LHCGR: variants seen among roughly 807,000 people sequenced by gnomAD.
LHCGR encodes the protein luteinizing hormone/choriogonadotropin receptor.
LHCGR carries 55 observed loss-of-function variants against 60.7 expected under a neutral mutation model. The observed-to-expected ratio is 0.91, with a 90% CI of 0.73 to 1.13. LHCGR has a LOEUF of 1.13. Among genes scored for constraint, LHCGR ranks in the 50% most tolerant of loss-of-function variants. The pLI, the probability that LHCGR is intolerant of heterozygous loss-of-function variation, is 0.00. For synonymous variants in LHCGR, 337 were observed against 316.5 expected, an observed-to-expected ratio of 1.06 and a Z score of -0.69; for missense variants, 862 against 836.0, an observed-to-expected ratio of 1.03 and a Z score of -0.38.
intron 10 of LHCGR, among the ~76,000 whole-genome samples, chr2:48,692,999 A>C (rs1205026673): frequency 6.6e-6 from 1 of 152,074 alleles, no homozygotes; most frequent in Non-Finnish European, 1.5e-5. Context: ...ACTGGTGAGG[A>C]TTATATTGAG....
intron 1 of LHCGR, among the ~76,000 whole-genome samples, chr2:48,747,367 C>T (rs772363718): frequency 2.8e-4 from 42 of 152,256 alleles, no homozygotes; most frequent in Non-Finnish European, 4.4e-4. Flanking sequence ...GCTGGGATTA[C>T]AGGCGTGAGC....
At chr2:48,754,736 CT>C (rs1438672025) in intron 1 of LHCGR, among the ~76,000 whole-genome samples, 2 of 152,006 alleles carry the variant, frequency 1.3e-5, no homozygotes, top group South Asian at 2.1e-4. Flanking sequence ...ATATGTGGTA[CT>C]TTTTTTTCTA....
chr2:48,738,441 C>T (rs1319165444), intron 1 of LHCGR, among the ~76,000 whole-genome samples: 1 of 152,178 alleles, frequency 6.6e-6, no homozygotes, highest in Non-Finnish European at 1.5e-5. Context: ...CCTGTCACTC[C>T]ATCGTTGCTT....
intron 7 of LHCGR, among the ~76,000 whole-genome samples, chr2:48,712,301 C>T (rs899938694): frequency 6.6e-6 from 1 of 151,996 alleles, no homozygotes; most frequent in East Asian, 1.9e-4. Context: ...TCCTGTAGGG[C>T]GACACTAGGA....
chr2:48,701,032 A>G (rs759034164), intron 8 of LHCGR, among the ~76,000 whole-genome samples: 7 of 152,136 alleles, frequency 4.6e-5, no homozygotes, highest in Admixed American at 1.3e-4. Flanking sequence ...AGTGGGAGCT[A>G]GGAACTAGCA....
chr2:48,755,169 A>C (rs1572904448), intron 1 of LHCGR, among the ~76,000 whole-genome samples: 1 of 151,246 alleles, frequency 6.6e-6, no homozygotes, highest in Admixed American at 6.6e-5. Context: ...TCTGGCAGAG[A>C]CCCCTGCCAG....
intron 6 of LHCGR, 103 bp from the exon 7 acceptor site, chr2:48,714,157 G>T (rs1668126681): frequency 1.3e-6 from 1 of 782,002 alleles, no homozygotes; most frequent in Non-Finnish European, 2.2e-6. Context: ...GTTATTACAG[G>T]CATTCATAAT....
intron 7 of LHCGR, among the ~76,000 whole-genome samples, chr2:48,711,171 A>C (rs1247963893): frequency 6.6e-6 from 1 of 152,216 alleles, no homozygotes; most frequent in African/African-American, 2.4e-5. Flanking sequence ...GGCTCAGCCT[A>C]AATATCACGT....
At chr2:48,689,980 T>A (rs1028470675) in intron 10 of LHCGR, among the ~76,000 whole-genome samples, 1 of 152,234 alleles carries the variant, frequency 6.6e-6, no homozygotes. Flanking sequence ...TCCAAAGTGC[T>A]GGCATTACAG....
chr2:48,701,610 G>T (rs1322652439), intron 8 of LHCGR, among the ~76,000 whole-genome samples: 1 of 151,724 alleles, frequency 6.6e-6, no homozygotes, highest in Admixed American at 6.6e-5. Context: ...CCCCTCTCCA[G>T]AACTCCTTTC....
At chr2:48,753,589 C>T (rs999816483) in intron 1 of LHCGR, among the ~76,000 whole-genome samples, 6 of 152,154 alleles carry the variant, frequency 3.9e-5, no homozygotes, top group Non-Finnish European at 8.8e-5. Flanking sequence ...ATTCTTGAAA[C>T]CCTGCTGAAA....
chr2:48,697,367 C>T (rs1464218732), intron 9 of LHCGR, among the ~76,000 whole-genome samples: 1 of 152,166 alleles, frequency 6.6e-6, no homozygotes, highest in Non-Finnish European at 1.5e-5. Context: ...TAACATTTGC[C>T]GTGTTGGACT....
At position 48,688,250 on chromosome 2, in the gene LHCGR, G is replaced by C; in HGVS notation, c.1547C>G (p.Pro516Arg). ...TGAGAGAGTGGTTTCCACATCCATGGGGAAGCAAATACTGACCTTCATGTA... is the reference window on the plus strand; with the variant it reads ...TGAGAGAGTGGTTTCCACATCCATGCGGAAGCAAATACTGACCTTCATGTA... ...SNYMKVSICF[P>R]MDVETTLSQV... Residue 516 changes from proline to arginine, a missense_variant, in exon 11 of 11, where the codon CCC becomes CGC. Pro to Arg is a moderately radical substitution (Grantham distance 103, BLOSUM62 -2). Transcript: ENST00000294954. The surrounding 1 kb of genome is among the most constrained non-coding windows in gnomAD (Gnocchi z 5.2). 2.5e-6 allele frequency: 4 copies of C among 1,614,054 alleles called. No homozygotes were observed. Among genetic ancestry groups the C allele is most frequent in the Non-Finnish European group, 3.4e-6 (4 of 1,179,954 alleles).
chr2:48,688,387 A>G lies in LHCGR; in HGVS notation c.1410T>C (p.Tyr470=), dbSNP rs1444289892. ...GCAGCTTTTGGTCCAGGTGAATAGC[A>G]TAGGTGATGGTGTGCCATCTTTCTA... The part of the protein sequence containing the change: ...ITLERWHTIT[Y]AIHLDQKLRL... The change falls in exon 11 of 11, where the codon TAT becomes TAC. Residue 470 remains tyrosine (Y), a synonymous_variant. Transcript: ENST00000294954. The surrounding 1 kb of genome is among the most constrained non-coding windows in gnomAD (Gnocchi z 5.2). 6 of 1,614,086 alleles carry G rather than the reference A, an allele frequency of 3.7e-6. No individual in the cohort carries two copies. In the East Asian group the frequency reaches 1.3e-4, roughly 36 times the overall value.
intron 8 of LHCGR, among the ~76,000 whole-genome samples, chr2:48,700,851 G>A (rs1667372490): frequency 6.6e-6 from 1 of 152,164 alleles, no homozygotes; most frequent in South Asian, 2.1e-4. Context: ...GGATATTAGA[G>A]GGAGTTAGGA....
chr2:48,704,211 A>G lies in LHCGR; in HGVS notation c.680+4737T>C, dbSNP rs187782505. ...TACATTTATTGATTTGCATATGTTG[A>G]ACCAGCGTTGCATCCCAGGGATGAA... On this transcript the variant is annotated intron_variant, in intron 8 of 10. Coordinates refer to ENST00000294954, the MANE Select transcript of LHCGR (RefSeq NM_000233.4). Among the ~76,000 whole-genome samples the G allele has an allele frequency of 5.5e-3, 840 of 152,266 alleles. 3 individuals are homozygous for G. Among genetic ancestry groups the G allele is most frequent in the Non-Finnish European group, 9.9e-3 (673 of 68,024 alleles).
At chr2:48,737,861 C>T in intron 1 of LHCGR, among the ~76,000 whole-genome samples, 1 of 152,228 alleles carries the variant, frequency 6.6e-6, no homozygotes, top group Non-Finnish European at 1.5e-5. Flanking sequence ...TCATTTGGTC[C>T]AACCCCTCAC....
At chr2:48,697,388 C>A (rs1230329354) in intron 9 of LHCGR, among the ~76,000 whole-genome samples, 3 of 152,214 alleles carry the variant, frequency 2.0e-5, no homozygotes, top group African/African-American at 7.2e-5. Flanking sequence ...TAAATATTGG[C>A]TCTCTTGTGT....
intron 1 of LHCGR, among the ~76,000 whole-genome samples, chr2:48,746,729 A>G (rs1429443999): frequency 6.6e-6 from 1 of 152,246 alleles, no homozygotes; most frequent in African/African-American, 2.4e-5. Context: ...CTAAGCCCTT[A>G]CTCAAAACCC....
Sources: gnomAD v4.1 joint callset for allele counts (sites outside exome capture counted in the v4.1 genomes callset) on GRCh38, gnomAD v4.1.1 for gene constraint, Gnocchi (gnomAD v3.1) non-coding constraint, MANE v1.5 for transcripts, NCBI Gene and HGNC (gene_info 2026-07-23, HGNC 2026-07-21) for gene names.